PRKACB: variants seen among roughly 807,000 people sequenced by gnomAD.
PRKACB encodes the protein protein kinase cAMP-activated catalytic subunit beta, also known as cAMP-dependent protein kinase catalytic subunit beta.
PRKACB carries 16 observed loss-of-function variants against 51.4 expected under a neutral mutation model. The observed-to-expected ratio is 0.31, with a 90% CI of 0.21 to 0.47. The LOEUF (loss-of-function observed/expected upper bound fraction) is 0.47, where lower values mean the gene tolerates loss of function less well. PRKACB is among the 20% of genes least tolerant of loss of function. The pLI, the probability that PRKACB is intolerant of heterozygous loss-of-function variation, is 1.00. For missense variants in PRKACB, 309 were observed against 464.5 expected (o/e 0.67, Z 3.08); for synonymous variants, 147 against 154.4 (o/e 0.95, Z 0.35).
intron 1 of PRKACB, among the ~76,000 whole-genome samples, chr1:84,092,568 A>C (rs1648565191): frequency 6.6e-6 from 1 of 152,154 alleles, no homozygotes; most frequent in South Asian, 2.1e-4. Context: ...ATGCATATAT[A>C]CATGCATATG....
intron 9 of PRKACB, among the ~76,000 whole-genome samples, chr1:84,217,489 A>G (rs1572503810): frequency 6.6e-6 from 1 of 152,234 alleles, no homozygotes; most frequent in East Asian, 1.9e-4. Context: ...ACTTACTGCC[A>G]TATTATACAA....
chr1:84,221,850 G>C (rs2101629088), intron 9 of PRKACB, among the ~76,000 whole-genome samples: 1 of 152,124 alleles, frequency 6.6e-6, no homozygotes, highest in South Asian at 2.1e-4. Flanking sequence ...TAATATAAAT[G>C]GTCTATCCTG....
chr1:84,217,957 A>G (rs1033991447), intron 9 of PRKACB, among the ~76,000 whole-genome samples: 12 of 152,100 alleles, frequency 7.9e-5, no homozygotes, highest in Non-Finnish European at 1.8e-4. Flanking sequence ...TTGAAATTCT[A>G]CCTTTACTAA....
intron 2 of PRKACB, among the ~76,000 whole-genome samples, chr1:84,181,979 C>T (rs1663659459): frequency 6.6e-6 from 1 of 151,908 alleles, no homozygotes; most frequent in Non-Finnish European, 1.5e-5. Flanking sequence ...TACTATTATG[C>T]TCTGTTTTCC....
intron 1 of PRKACB, among the ~76,000 whole-genome samples, chr1:84,110,416 A>G (rs1056569475): frequency 6.6e-6 from 1 of 151,704 alleles, no homozygotes; most frequent in Non-Finnish European, 1.5e-5. Flanking sequence ...TTTTCCCATA[A>G]TGTTCAATTT....
intron 1 of PRKACB, among the ~76,000 whole-genome samples, chr1:84,121,513 C>T (rs893302325): frequency 6.6e-6 from 1 of 151,992 alleles, no homozygotes; most frequent in African/African-American, 2.4e-5. Flanking sequence ...CTAAACTTTC[C>T]CTTATTCAGA....
chr1:84,178,829 C>T (rs550360674), intron 1 of PRKACB: 3 of 160,414 alleles, frequency 1.9e-5, no homozygotes, highest in South Asian at 1.8e-4. Context: ...CTAAAGGCTC[C>T]GTTAATATTA....
At chr1:84,157,542 C>T (rs1478705511) in intron 1 of PRKACB, 1 of 152,106 alleles carries the variant, frequency 6.6e-6, no homozygotes, top group Non-Finnish European at 1.5e-5. Context: ...CATTTGTTAC[C>T]CATATCCAGT....
chr1:84,185,772 G>A (rs945573566), intron 5 of PRKACB, among the ~76,000 whole-genome samples: 1 of 152,144 alleles, frequency 6.6e-6, no homozygotes, highest in South Asian at 2.1e-4. Flanking sequence ...GTACTTAATA[G>A]TTTATAAGCT....
chr1:84,191,873 A>T (rs867447450), intron 5 of PRKACB, among the ~76,000 whole-genome samples: 1 of 152,156 alleles, frequency 6.6e-6, no homozygotes. Flanking sequence ...CAATTAATTT[A>T]TCAAAGATGT....
chr1:84,121,645 G>C (rs770476079), intron 1 of PRKACB, among the ~76,000 whole-genome samples: 7 of 152,066 alleles, frequency 4.6e-5, no homozygotes, highest in Admixed American at 1.3e-4. Context: ...TCTTACTTTT[G>C]CAAGTCTTAC....
chr1:84,097,734 GC>G (rs912643513), intron 1 of PRKACB, among the ~76,000 whole-genome samples: 45 of 151,928 alleles, frequency 3.0e-4, no homozygotes, highest in Non-Finnish European at 4.4e-5. Flanking sequence ...AGAACCAGGA[GC>G]ACTGACGTCC....
rs74590838 is a variant in PRKACB, at chr1:84,194,465, A to T, written c.561-2151A>T. Among the ~76,000 whole-genome samples, 486 of 152,314 alleles carry T rather than the reference A, an allele frequency of 3.2e-3. 1 individual carries two copies. The highest frequency in any genetic ancestry group is 0.011 in the African/African-American group (457 of 41,580). Reference sequence around the variant, plus strand: ...TGAGTTATTGTTTAGCATGGCTTTAATCAGAATCAAATGAGGCATTATAAT... The same window carrying T: ...TGAGTTATTGTTTAGCATGGCTTTATTCAGAATCAAATGAGGCATTATAAT... On this transcript the variant is annotated intron_variant, in intron 5 of 9. Transcript: ENST00000370685.
intron 9 of PRKACB, among the ~76,000 whole-genome samples, chr1:84,221,590 C>A (rs1673737418): frequency 6.6e-6 from 1 of 151,834 alleles, no homozygotes; most frequent in Non-Finnish European, 1.5e-5. Context: ...CTTAGCACTG[C>A]TTTTCTTATA....
At chr1:84,229,162 A>G (rs1675158786) in intron 9 of PRKACB, among the ~76,000 whole-genome samples, 1 of 146,026 alleles carries the variant, frequency 6.8e-6, no homozygotes, top group African/African-American at 2.6e-5. Context: ...GTTCCCACCT[A>G]TGAGTGAGAA....
At chr1:84,194,535 C>T (rs1182375124) in intron 5 of PRKACB, among the ~76,000 whole-genome samples, 1 of 152,156 alleles carries the variant, frequency 6.6e-6, no homozygotes, top group Non-Finnish European at 1.5e-5. Context: ...ACAGCATTAG[C>T]CCTTACCATT....
chr1:84,146,535 C>T (rs955004644), intron 1 of PRKACB, among the ~76,000 whole-genome samples: 1 of 151,892 alleles, frequency 6.6e-6, no homozygotes, highest in Non-Finnish European at 1.5e-5. Flanking sequence ...TCTGACTGTA[C>T]AAAGTTTCAT....
intron 5 of PRKACB, among the ~76,000 whole-genome samples, chr1:84,191,104 T>C (rs1380311411): frequency 1.3e-5 from 2 of 152,078 alleles, no homozygotes; most frequent in African/African-American, 4.8e-5. Flanking sequence ...GTGTAATTGC[T>C]TTATATTGTC....
chr1:84,086,033 G>C, intron 1 of PRKACB: 1 of 868,164 alleles, frequency 1.2e-6, no homozygotes, highest in Non-Finnish European at 2.0e-6. Flanking sequence ...GCTGAGGTTA[G>C]AGAAGATGGT....
Sources: gnomAD v4.1 joint callset for allele counts (sites outside exome capture counted in the v4.1 genomes callset) on GRCh38, gnomAD v4.1.1 for gene constraint, MANE v1.5 for transcripts, NCBI Gene and HGNC (gene_info 2026-07-23, HGNC 2026-07-21) for gene names.